CYP11B1: variants seen among roughly 807,000 people sequenced by gnomAD.
CYP11B1 encodes cytochrome P450 11B1, mitochondrial.
Under a neutral mutation model 48.3 loss-of-function variants are expected in CYP11B1, and 34 were observed. That is an observed-to-expected ratio of 0.70 (90% CI 0.54 to 0.94). The LOEUF is 0.94. Ranked by LOEUF, CYP11B1 falls within the 40% of genes least tolerant of loss-of-function variation. CYP11B1 has a pLI of 0.00. For missense variants in CYP11B1, 688 were observed against 657.4 expected (o/e 1.05, Z -0.51); for synonymous variants, 291 against 262.5 (o/e 1.11, Z -1.05).
intron 1 of CYP11B1, 145 bp downstream of exon 1, chr8:142,879,430 G>A (rs1243558495): frequency 6.2e-7 from 1 of 1,613,412 alleles, no homozygotes; most frequent in Non-Finnish European, 8.5e-7. Flanking sequence ...CCACAGACCA[G>A]CACGTGCTGC....
intron 2 of CYP11B1, among the ~76,000 whole-genome samples, chr8:142,878,044 A>T (rs1229522801): frequency 8.1e-6 from 1 of 123,158 alleles, no homozygotes; most frequent in Non-Finnish European, 1.8e-5. Context: ...CACACCACAC[A>T]TACATGCACA....
At position 142,875,457 on chromosome 8, in the gene CYP11B1, G is replaced by T; in HGVS notation, c.1122-145C>A. On this transcript the variant is annotated intron_variant, in intron 6 of 8. Coordinates refer to ENST00000292427, the MANE Select transcript of CYP11B1 (RefSeq NM_000497.4). ...GGAAGTGCTTCCTTGCACCTGCTGA[G>T]CCCGGCCAAACCTCCCCTAACTTAA... is the stretch of plus-strand genomic sequence containing the variant. 4.1e-6 allele frequency: 5 copies of T among 1,219,950 alleles called. No homozygotes were observed. The South Asian group carries it at 5.2e-5, about 13-fold the overall frequency. 75.6% of individuals were successfully genotyped at this position (1,219,950 alleles called of 1,614,324 possible). A position where few individuals can be genotyped will look rare whatever the true frequency, so the allele number is the denominator to read the frequency against.
At chr8:142,876,041 T>C in intron 5 of CYP11B1, 163 bp from the exon 6 acceptor site, 1 of 1,129,232 alleles carries the variant, frequency 8.9e-7, no homozygotes, top group Non-Finnish European at 1.3e-6. Flanking sequence ...CCCCTTTCCC[T>C]GAGTCCTCCA....
intron 3 of CYP11B1, 33 bp downstream of exon 3, chr8:142,876,990 C>G: frequency 6.2e-7 from 1 of 1,612,772 alleles, no homozygotes; most frequent in Non-Finnish European, 8.5e-7. Flanking sequence ...ACTCCAGGGT[C>G]TCTGAGGCTG....
chr8:142,873,857 T>C lies in CYP11B1; in HGVS notation c.*516A>G, dbSNP rs5301. ...TACCCTGCAGGACCCTATTCCAGGGTGACAACTTTCAGAGAGCTCAGGGCA... is the reference window on the plus strand; with the variant it reads ...TACCCTGCAGGACCCTATTCCAGGGCGACAACTTTCAGAGAGCTCAGGGCA... On this transcript the variant is annotated 3_prime_UTR_variant, in exon 9 of 9. Transcript: ENST00000292427. The C allele has an allele frequency of 0.49, 95,663 of 193,778 alleles. 24,897 individuals carry two copies. The highest frequency in any genetic ancestry group is 0.84 in the East Asian group (7,365 of 8,744). The allele number at this position is 193,778 out of a possible 1,614,324, so 12.0% of individuals were successfully genotyped here.
rs375934214 is a variant in CYP11B1, at chr8:142,876,904, G to A, written c.596-19C>T. ...TTGCTGGCTGCGGGGAGGATGCACT[G>A]CTGAGCACAAGGCAGCCCCGGGCCT... On this transcript the variant is annotated intron_variant, in intron 3 of 8. Transcript: ENST00000292427. The A allele has an allele frequency of 3.1e-6, 5 of 1,614,030 alleles. No homozygotes were observed. In the South Asian group the frequency reaches 4.4e-5, roughly 14 times the overall value.
intron 2 of CYP11B1, among the ~76,000 whole-genome samples, chr8:142,878,773 G>A (rs1390731742): frequency 6.6e-6 from 1 of 152,300 alleles, no homozygotes; most frequent in East Asian, 1.9e-4. Context: ...TGCAGAGCGG[G>A]TTCTCACTAC....
chr8:142,877,808 G>A, intron 2 of CYP11B1: 3 of 1,595,716 alleles, frequency 1.9e-6, no homozygotes, highest in Non-Finnish European at 8.5e-7. Context: ...GAATGGTGGG[G>A]AGGAATTTCC....
intron 2 of CYP11B1, among the ~76,000 whole-genome samples, chr8:142,878,036 C>T (rs1287364446): frequency 6.9e-6 from 1 of 144,996 alleles, no homozygotes; most frequent in Non-Finnish European, 1.5e-5. Context: ...CGTGCACACA[C>T]ACCACACATA....
intron 2 of CYP11B1, chr8:142,877,914 GC>G: frequency 2.6e-6 from 3 of 1,170,206 alleles, no homozygotes; most frequent in Non-Finnish European, 3.7e-6. Flanking sequence ...AGATGCACAT[GC>G]TCACATGCGC....
In CYP11B1 at chr8:142,878,697, C is replaced by A. The variant is rs552046574; in HGVS notation, c.395+335G>T. 8.6e-4 allele frequency among the ~76,000 whole-genome samples: 131 copies of A among 152,286 alleles called. 2 individuals carry two copies. In the South Asian group the frequency reaches 0.017, roughly 20 times the overall value. On this transcript the variant is annotated intron_variant, in intron 2 of 8. Transcript: ENST00000292427. ...CCAGTGGGAGTACCCTTCTCAGGGC[C>A]TCAGTTTTCTGACCTATGGGAAGGA...
intron 5 of CYP11B1, 60 bp from the exon 6 acceptor site, chr8:142,875,938 C>G: frequency 1.2e-6 from 2 of 1,604,048 alleles, no homozygotes; most frequent in Non-Finnish European, 1.7e-6. Context: ...CCCCGGGACA[C>G]CCCTCCCAGG....
chr8:142,878,793 C>A (rs1169230207), intron 2 of CYP11B1, among the ~76,000 whole-genome samples: 2 of 152,192 alleles, frequency 1.3e-5, no homozygotes, highest in Non-Finnish European at 2.9e-5. Flanking sequence ...CACAGAAGGG[C>A]TCATTGCTCT....
Position 142,879,789 on chromosome 8 carries a change from C to A in CYP11B1, c.25G>T (p.Val9Leu). 6.2e-7 allele frequency: 1 copy of A among 1,614,080 alleles called. No homozygotes were observed. The highest frequency in any genetic ancestry group is 8.5e-7 in the Non-Finnish European group (1 of 1,180,038). The change falls in exon 1 of 9, where the codon GTG (valine) becomes TTG (leucine). Residue 9 changes from valine to leucine, a missense_variant. Transcript: ENST00000292427. Reference sequence around the variant, plus strand: ...GACAGCCAGGGCACTGCCATGCACACCTCTGCCTTTGCCCTGAGTGCCATT... The same window carrying A: ...GACAGCCAGGGCACTGCCATGCACAACTCTGCCTTTGCCCTGAGTGCCATT... MALRAKAEVCMAVPWLSLQ... is the reference protein window; with the variant it reads MALRAKAELCMAVPWLSLQ...
chr8:142,876,466 C>T, intron 4 of CYP11B1, 71 bp from the exon 5 acceptor site: 1 of 1,555,304 alleles, frequency 6.4e-7, no homozygotes, highest in South Asian at 1.2e-5. Context: ...CTCCTCCTGC[C>T]CAGACTGCCC....
chr8:142,875,387 G>A (rs28418310), intron 6 of CYP11B1, 75 bp from the exon 7 acceptor site: 12 of 1,463,312 alleles, frequency 8.2e-6, no homozygotes, highest in African/African-American at 1.4e-5. Context: ...CCTTCCTACC[G>A]AAGAACCCGC....
intron 8 of CYP11B1, 92 bp from the exon 9 acceptor site, chr8:142,874,578 C>A: frequency 1.1e-6 from 1 of 905,530 alleles, no homozygotes; most frequent in Non-Finnish European, 1.9e-6. Context: ...AGAGATTATG[C>A]TGAAGGGGGA....
chr8:142,879,449 C>T (rs745999251), intron 1 of CYP11B1, 126 bp downstream of exon 1: 1 of 1,613,630 alleles, frequency 6.2e-7, no homozygotes, highest in African/African-American at 1.3e-5. Context: ...GCACTCCTTC[C>T]CCATCTTCCA....
chr8:142,878,333 G>C (rs1817029296), intron 2 of CYP11B1, among the ~76,000 whole-genome samples: 1 of 152,090 alleles, frequency 6.6e-6, no homozygotes, highest in South Asian at 2.1e-4. Context: ...TGGAGTGGGG[G>C]CTGTCGCCAC....
Sources: allele counts gnomAD v4.1 joint callset (sites outside exome capture counted in the v4.1 genomes callset), GRCh38; gene constraint gnomAD v4.1.1; transcripts MANE v1.5; gene names NCBI Gene and HGNC (gene_info 2026-07-23, HGNC 2026-07-21).